The following RAP1GAP2 variants were observed in gnomAD, a reference collection of about 807,000 sequenced individuals.
The protein encoded by RAP1GAP2 is RAP1 GTPase activating protein 2.
In RAP1GAP2, 27 loss-of-function variants were observed where a neutral mutation model predicts 95.0. The observed-to-expected ratio is 0.28, with a 90% CI of 0.21 to 0.39. The LOEUF (loss-of-function observed/expected upper bound fraction) is 0.39, where lower values mean the gene tolerates loss of function less well. Among genes scored for constraint, RAP1GAP2 ranks in the 10% least tolerant of loss-of-function variants. The pLI, the probability that RAP1GAP2 is intolerant of heterozygous loss-of-function variation, is 1.00. For missense variants in RAP1GAP2, 771 were observed against 970.0 expected (o/e 0.79, Z 2.72); for synonymous variants, 373 against 380.9 (o/e 0.98, Z 0.24).
intron 2 of RAP1GAP2, among the ~76,000 whole-genome samples, chr17:2,811,009 T>G (rs2069751264): frequency 6.6e-6 from 1 of 152,128 alleles, no homozygotes; most frequent in Non-Finnish European, 1.5e-5. Context: ...GTAACTGCAT[T>G]GCTCGGTCCA....
At chr17:2,961,509 C>T (rs557280781) in intron 4 of RAP1GAP2, among the ~76,000 whole-genome samples, 26 of 151,418 alleles carry the variant, frequency 1.7e-4, no homozygotes, top group African/African-American at 4.6e-4. Flanking sequence ...AGAGAGACTC[C>T]GTCTCAAAAA....
intron 2 of RAP1GAP2, among the ~76,000 whole-genome samples, chr17:2,802,659 C>T (rs571756016): frequency 6.6e-5 from 10 of 151,936 alleles, no homozygotes; most frequent in African/African-American, 1.4e-4. Context: ...TGCAGTGAGG[C>T]GAGATCGCAC....
At chr17:2,853,988 G>T in intron 2 of RAP1GAP2, 1 of 984,502 alleles carries the variant, frequency 1.0e-6, no homozygotes, top group Non-Finnish European at 1.2e-6. Flanking sequence ...ACCGCGGGCG[G>T]CCTCGCCATG....
intron 3 of RAP1GAP2, among the ~76,000 whole-genome samples, chr17:2,953,574 C>T (rs1156921969): frequency 1.3e-5 from 2 of 152,038 alleles, no homozygotes; most frequent in Non-Finnish European, 2.9e-5. Context: ...TGGCCGGGTA[C>T]GATGGCTCAC....
intron 12 of RAP1GAP2, among the ~76,000 whole-genome samples, chr17:2,994,089 A>G (rs2045873279): frequency 6.6e-6 from 1 of 152,290 alleles, no homozygotes; most frequent in Non-Finnish European, 1.5e-5. Flanking sequence ...GAAATACAGT[A>G]TAGTAAGCCC....
In RAP1GAP2 at chr17:3,026,116, G is replaced by A. The variant is rs771950056; in HGVS notation, c.1860G>A (p.Lys620=). Residue 620 remains lysine (K), a synonymous_variant, in exon 20 of 25, where the codon AAG becomes AAA. Coordinates refer to ENST00000254695, the MANE Select transcript of RAP1GAP2 (RefSeq NM_015085.5). ...NPSSPEICPN[K]EKPFMKLKEN... The stretch of plus-strand genomic sequence containing the variant: ...GCTCTCCGGAAATCTGCCCCAACAA[G>A]GAGAAGTAAGAGAGTGAGGGTGGGA... 7.5e-5 allele frequency: 120 copies of A among 1,606,048 alleles called. 1 individual carries two copies. The highest frequency in any genetic ancestry group is 1.0e-4 in the Non-Finnish European group (119 of 1,172,832).
Position 2,992,151 on chromosome 17 carries a change from A to G in RAP1GAP2, c.914+754A>G, listed in dbSNP as rs185842464. 2.0e-5 allele frequency among the ~76,000 whole-genome samples: 3 copies of G among 149,294 alleles called. No individual in the cohort carries two copies. In the Admixed American group the frequency reaches 2.0e-4, roughly 10 times the overall value. On this transcript the variant is annotated intron_variant, in intron 12 of 24. Coordinates refer to ENST00000254695, the MANE Select transcript of RAP1GAP2 (RefSeq NM_015085.5). ...AACAGTTCCTCAGGCAGGAGTCCAT[A>G]CAACAGTCTATGCTTTTTTTTTTTT...
intron 2 of RAP1GAP2, among the ~76,000 whole-genome samples, chr17:2,842,393 G>A (rs982821646): frequency 1.3e-5 from 2 of 152,020 alleles, no homozygotes; most frequent in African/African-American, 4.8e-5. Context: ...AGCCAGGCGT[G>A]GTGGCACATG....
At chr17:2,909,809 G>A (rs1373190672) in intron 3 of RAP1GAP2, among the ~76,000 whole-genome samples, 1 of 152,200 alleles carries the variant, frequency 6.6e-6, no homozygotes, top group Non-Finnish European at 1.5e-5. Flanking sequence ...AAGGGAGGAA[G>A]GGGTGAGGGA....
At chr17:2,810,474 T>C (rs1597352639) in intron 2 of RAP1GAP2, among the ~76,000 whole-genome samples, 1 of 151,362 alleles carries the variant, frequency 6.6e-6, no homozygotes, top group Non-Finnish European at 1.5e-5. Context: ...ACTCGTCATT[T>C]AACATTAGGT....
At chr17:2,974,835 CA>C (rs1221395896) in intron 8 of RAP1GAP2, among the ~76,000 whole-genome samples, 1 of 148,558 alleles carries the variant, frequency 6.7e-6, no homozygotes, top group African/African-American at 2.5e-5. Context: ...GGAGGATTAA[CA>C]AAAAGAAAGC....
Position 2,806,376 on chromosome 17 carries a change from T to TTTATTATTATTATTATTGTTA in RAP1GAP2, c.80+5843_80+5844insGTTATTATTATTATTATTATT, listed in dbSNP as rs1555545386. Among the ~76,000 whole-genome samples the TTTATTATTATTATTATTGTTA allele has an allele frequency of 4.9e-3, 684 of 139,946 alleles. 3 individuals are homozygous for TTTATTATTATTATTATTGTTA. The highest frequency in any genetic ancestry group is 0.018 in the African/African-American group (664 of 37,414). 91.8% of individuals were successfully genotyped at this position (139,946 alleles called of 152,430 possible). Reference sequence around the variant, plus strand: ...TTGATTTCTTCTCTGCTACAACCTTTTTATTATTATTATTATTATTATTAT... The same window carrying TTTATTATTATTATTATTGTTA: ...TTGATTTCTTCTCTGCTACAACCTTTTTATTATTATTATTATTGTTATTATTATTATTATTATTATTATTAT... On this transcript the variant is annotated intron_variant, in intron 2 of 24. Coordinates refer to ENST00000254695, the MANE Select transcript of RAP1GAP2 (RefSeq NM_015085.5).
rs1375756540 is a variant in RAP1GAP2, at chr17:2,797,460, G to T, written c.44+889G>T. On this transcript the variant is annotated intron_variant, in intron 1 of 24. Coordinates refer to ENST00000254695, the MANE Select transcript of RAP1GAP2 (RefSeq NM_015085.5). This position sits in a 1 kb window ranked among gnomAD's most constrained non-coding sequence, Gnocchi z 5.6. ...TTTCCTTTCAGTGCCTGGGCTGGGG[G>T]CGTTGTCAGACTGGGAGAGGGCCCC... Among the ~76,000 whole-genome samples, 2 of 152,076 alleles carry T rather than the reference G, an allele frequency of 1.3e-5. No homozygotes were observed. Among genetic ancestry groups the T allele is most frequent in the African/African-American group, 4.8e-5 (2 of 41,388 alleles).
chr17:2,946,759 C>A (rs987390156), intron 3 of RAP1GAP2, among the ~76,000 whole-genome samples: 23 of 152,098 alleles, frequency 1.5e-4, no homozygotes, highest in Non-Finnish European at 7.4e-5. Context: ...GCCTAGGAAA[C>A]TTTTTTTATT....
chr17:2,894,135 AGT>A (rs2073811194), intron 2 of RAP1GAP2, among the ~76,000 whole-genome samples: 1 of 145,126 alleles, frequency 6.9e-6, no homozygotes, highest in Admixed American at 6.8e-5. Flanking sequence ...AAAAAAAAAA[AGT>A]TAGGCTGGGC....
At chr17:2,971,074 G>A (rs2044848108) in intron 8 of RAP1GAP2, among the ~76,000 whole-genome samples, 2 of 152,034 alleles carry the variant, frequency 1.3e-5, no homozygotes, top group African/African-American at 4.8e-5. Flanking sequence ...TCAATCAGTC[G>A]ACCTATGTAA....
upstream of RAP1GAP2, among the ~76,000 whole-genome samples, chr17:2,775,458 C>G (rs1283880124): frequency 1.3e-5 from 2 of 149,926 alleles, no homozygotes; most frequent in Non-Finnish European, 3.0e-5. Flanking sequence ...CATAAAGAAG[C>G]TGCTGGTGAG....
rs71153304 is a variant in RAP1GAP2 at position 2,838,016 on chromosome 17, CTTTTTTT to C, written c.80+37480_80+37486del. Among the ~76,000 whole-genome samples the C allele has an allele frequency of 8.5e-5, 8 of 94,450 alleles. No homozygotes were observed. The South Asian group carries it at 2.2e-3, about 27-fold the overall frequency. The allele number at this position is 94,450 out of a possible 152,430, so 62.0% of individuals were successfully genotyped here. A position where few individuals can be genotyped will look rare whatever the true frequency, so the allele number is the denominator to read the frequency against. On this transcript the variant is annotated intron_variant, in intron 2 of 24. Coordinates refer to ENST00000254695, the MANE Select transcript of RAP1GAP2 (RefSeq NM_015085.5). ...TGATGTTCATGTTCTTTCTTTTTTC[CTTTTTTT>C]TTTTTTTTTTTTTGAGACAGAGTCT... is the stretch of plus-strand genomic sequence containing the variant.
rs78345772 is a variant in RAP1GAP2 at position 3,017,328 on chromosome 17, C to T, written c.1495-733C>T. On this transcript the variant is annotated intron_variant, in intron 17 of 24. Coordinates refer to ENST00000254695, the MANE Select transcript of RAP1GAP2 (RefSeq NM_015085.5). ...GTGGCCTGAGCAGCTCCGTGCCCCC[C>T]GAGACCCTGCACTTCTGCCAGGCTG... 1.2e-4 allele frequency among the ~76,000 whole-genome samples: 18 copies of T among 152,198 alleles called. No individual in the cohort carries two copies. The East Asian group carries it at 2.1e-3, about 18-fold the overall frequency.
Sources: gnomAD v4.1 joint callset for allele counts (sites outside exome capture counted in the v4.1 genomes callset) on GRCh38, gnomAD v4.1.1 for gene constraint, Gnocchi (gnomAD v3.1) non-coding constraint, MANE v1.5 for transcripts, NCBI Gene and HGNC (gene_info 2026-07-23, HGNC 2026-07-21) for gene names.